Variants in LRP1B observed in about 807,000 individuals in gnomAD.
The protein encoded by LRP1B is low-density lipoprotein receptor-related protein 1B.
In LRP1B, 217 loss-of-function variants were observed where a neutral mutation model predicts 556.6. That is an observed-to-expected ratio of 0.39 (90% confidence interval 0.35 to 0.44). LRP1B has a LOEUF of 0.44. Among genes scored for constraint, LRP1B ranks in the 20% least tolerant of loss-of-function variants. LRP1B has a pLI of 1.00. For synonymous variants in LRP1B, 2,047 were observed against 1,865.8 expected, an observed-to-expected ratio of 1.10 and a Z score of -2.50; for missense variants, 5,053 against 5,620.8, an observed-to-expected ratio of 0.90 and a Z score of 3.23.
chr2:141,268,952 C>A (rs1684990984), intron 3 of LRP1B, among the ~76,000 whole-genome samples: 2 of 152,080 alleles, frequency 1.3e-5, no homozygotes, highest in African/African-American at 4.8e-5. Flanking sequence ...AAGAGGCAAG[C>A]CAAGAAGACC....
chr2:140,989,754 A>AT, intron 16 of LRP1B, 97 bp from the exon 17 acceptor site: 1 of 1,166,242 alleles, frequency 8.6e-7, no homozygotes, highest in Non-Finnish European at 1.2e-6. Context: ...TAATAATATT[A>AT]TAGTACAATA....
chr2:140,555,677 A>C (rs530541528), intron 43 of LRP1B, among the ~76,000 whole-genome samples: 4 of 152,232 alleles, frequency 2.6e-5, no homozygotes, highest in African/African-American at 9.6e-5. Context: ...AAGTGTTGCA[A>C]ACTAAAAAAT....
intron 2 of LRP1B, among the ~76,000 whole-genome samples, chr2:141,793,732 T>G (rs1695702087): frequency 6.6e-6 from 1 of 151,978 alleles, no homozygotes; most frequent in Admixed American, 6.6e-5. Context: ...TTTAAGAAAC[T>G]TTAAATTCTT....
At chr2:141,844,955 C>T (rs1376645519) in intron 1 of LRP1B, among the ~76,000 whole-genome samples, 2 of 151,604 alleles carry the variant, frequency 1.3e-5, no homozygotes, top group East Asian at 3.9e-4. Flanking sequence ...TTGCCTTATA[C>T]CTATTTGGTA....
chr2:140,314,847 G>C, intron 83 of LRP1B, 88 bp downstream of exon 83: 1 of 849,572 alleles, frequency 1.2e-6, no homozygotes, highest in Non-Finnish European at 1.8e-6. Flanking sequence ...AAGATATTAG[G>C]AAGTATATTT....
At chr2:142,012,927 G>A (rs886313853) in intron 1 of LRP1B, among the ~76,000 whole-genome samples, 1 of 152,042 alleles carries the variant, frequency 6.6e-6, no homozygotes, top group Non-Finnish European at 1.5e-5. Context: ...ACCTAAGTTT[G>A]GGGAGTATTA....
At chr2:141,988,340 G>C (rs1485524514) in intron 1 of LRP1B, among the ~76,000 whole-genome samples, 1 of 151,810 alleles carries the variant, frequency 6.6e-6, no homozygotes, top group Non-Finnish European at 1.5e-5. Flanking sequence ...GTCCTTGGTT[G>C]TAGAATAGAT....
At chr2:141,691,447 T>G (rs1331009008) in intron 2 of LRP1B, among the ~76,000 whole-genome samples, 1 of 60,660 alleles carries the variant, frequency 1.6e-5, no homozygotes, top group Admixed American at 1.8e-4. Context: ...AAAAAAAAAG[T>G]TGGCCAGGTA....
intron 3 of LRP1B, among the ~76,000 whole-genome samples, chr2:141,370,223 A>G (rs1156554010): frequency 6.6e-6 from 1 of 152,096 alleles, no homozygotes; most frequent in Non-Finnish European, 1.5e-5. Flanking sequence ...GAAATCTCCA[A>G]ACTGTTTTCC....
intron 32 of LRP1B, among the ~76,000 whole-genome samples, chr2:140,794,504 CACACACACACACACAT>C (rs924129600): frequency 9.1e-6 from 1 of 109,364 alleles, no homozygotes; most frequent in Non-Finnish European, 2.2e-5. Flanking sequence ...CACACACACA[CACACACACACACACAT>C]ATTTCAAGGG....
At chr2:141,302,207 G>T (rs1415364585) in intron 3 of LRP1B, among the ~76,000 whole-genome samples, 2 of 151,726 alleles carry the variant, frequency 1.3e-5, no homozygotes, top group African/African-American at 2.4e-5. Flanking sequence ...TTAAATATCT[G>T]GTATTTGAAA....
At chr2:141,203,628 A>G (rs187094697) in intron 6 of LRP1B, among the ~76,000 whole-genome samples, 116 of 152,304 alleles carry the variant, frequency 7.6e-4, no homozygotes, top group African/African-American at 2.6e-3. Flanking sequence ...AGATTGAGAC[A>G]GAAAATTAAC....
intron 41 of LRP1B, among the ~76,000 whole-genome samples, chr2:140,602,509 T>C (rs1397372550): frequency 6.6e-6 from 1 of 152,036 alleles, no homozygotes; most frequent in African/African-American, 2.4e-5. Flanking sequence ...AAAGAACGTA[T>C]ACACTTTTTT....
intron 1 of LRP1B, among the ~76,000 whole-genome samples, chr2:141,908,775 G>A (rs1011708911): frequency 9.9e-5 from 15 of 151,866 alleles, no homozygotes; most frequent in African/African-American, 3.4e-4. Context: ...TGAAAGAGTC[G>A]TAATGATTTA....
At chr2:140,405,205 T>C (rs1048391953) in intron 66 of LRP1B, among the ~76,000 whole-genome samples, 1 of 152,182 alleles carries the variant, frequency 6.6e-6, no homozygotes, top group African/African-American at 2.4e-5. Flanking sequence ...CTCTAGGATA[T>C]GGCAAAAGCA....
chr2:140,586,927 A>G (rs1464057653), intron 43 of LRP1B, among the ~76,000 whole-genome samples: 1 of 152,170 alleles, frequency 6.6e-6, no homozygotes, highest in Non-Finnish European at 1.5e-5. Flanking sequence ...TTATCTGAAA[A>G]AGATTTAAAA....
At chr2:141,823,982 T>C (rs1283694034) in intron 1 of LRP1B, among the ~76,000 whole-genome samples, 1 of 152,108 alleles carries the variant, frequency 6.6e-6, no homozygotes, top group Non-Finnish European at 1.5e-5. Context: ...CTGGACTAAA[T>C]TTAAATTTAA....
At chr2:140,774,767 T>G (rs181247359) in intron 33 of LRP1B, among the ~76,000 whole-genome samples, 23 of 152,308 alleles carry the variant, frequency 1.5e-4, no homozygotes, top group African/African-American at 5.5e-4. Context: ...TCCCATGACT[T>G]GAATGGCAGT....
intron 2 of LRP1B, among the ~76,000 whole-genome samples, chr2:141,640,228 TA>T (rs1689281186): frequency 6.6e-6 from 1 of 152,198 alleles, no homozygotes; most frequent in African/African-American, 2.4e-5. Context: ...TAATTACTCG[TA>T]AAACTATCAA....
Sources: allele counts gnomAD v4.1 joint callset (sites outside exome capture counted in the v4.1 genomes callset), GRCh38; gene constraint gnomAD v4.1.1; transcripts MANE v1.5; gene names NCBI Gene and HGNC (gene_info 2026-07-23, HGNC 2026-07-21).